Variants in CLCA2 observed in about 807,000 individuals in gnomAD.
CLCA2 encodes chloride channel accessory 2, also known as calcium-activated chloride channel regulator 2.
CLCA2 carries 85 observed loss-of-function variants against 82.9 expected under a neutral mutation model. That is an observed-to-expected ratio of 1.03 (90% CI 0.86 to 1.23). CLCA2 has a LOEUF of 1.23. Ranked by LOEUF, CLCA2 falls within the 50% of genes most tolerant of loss-of-function variation. The probability of loss-of-function intolerance (pLI) is 0.00; values close to 1 mark genes in which losing one functional copy is unlikely to be tolerated. For missense variants in CLCA2, 1,089 were observed against 1,124.8 expected, an observed-to-expected ratio of 0.97 and a Z score of 0.45; for synonymous variants, 421 against 391.7, an observed-to-expected ratio of 1.07 and a Z score of -0.88.
At chr1:86,434,485 C>A (rs1409432401) in intron 5 of CLCA2, 33 bp from the exon 6 acceptor site, 1 of 1,558,070 alleles carries the variant, frequency 6.4e-7, no homozygotes, top group Non-Finnish European at 8.8e-7. Flanking sequence ...GGGAGAAGTG[C>A]CTCTCTTTAT....
At chr1:86,442,818 A>G in intron 9 of CLCA2, among the ~76,000 whole-genome samples, 1 of 152,192 alleles carries the variant, frequency 6.6e-6, no homozygotes, top group East Asian at 1.9e-4. Flanking sequence ...TCACGGTTCC[A>G]TTCCCTTGGT....
At chr1:86,439,507 C>T (rs11800629) in intron 7 of CLCA2, among the ~76,000 whole-genome samples, 15,817 of 152,188 alleles carry the variant, frequency 0.1, 975 homozygotes, top group African/African-American at 0.16. Context: ...ACTTCACGCA[C>T]ATCAGAACCA....
Position 86,434,709 on chromosome 1 carries a change from C to T in CLCA2, c.936C>T (p.Val312=). ...FSLVQAGDKV[V]CLVLDVSSKM... ...TTGTACAGGCTGGTGACAAAGTGGT[C>T]TGTTTAGTGCTGGATGTGTCCAGCA... Residue 312 remains valine, a synonymous_variant, in exon 6 of 14, where the codon GTC becomes GTT. Transcript: ENST00000370565. 6.2e-7 allele frequency: 1 copy of T among 1,613,936 alleles called. No homozygotes were observed. The highest frequency in any genetic ancestry group is 1.7e-5 in the Admixed American group (1 of 60,014).
At chr1:86,454,648 C>T (rs11580095) in intron 13 of CLCA2, among the ~76,000 whole-genome samples, 7 of 151,960 alleles carry the variant, frequency 4.6e-5, no homozygotes, top group Admixed American at 1.3e-4. Context: ...AAAAATAAGC[C>T]GGGCATGGTG....
intron 7 of CLCA2, among the ~76,000 whole-genome samples, chr1:86,439,312 C>A (rs978368984): frequency 1.3e-5 from 2 of 152,178 alleles, no homozygotes; most frequent in Admixed American, 6.5e-5. Flanking sequence ...ACATAGCATA[C>A]AATAGTTGCT....
In CLCA2 at chr1:86,456,446, G is replaced by T. The variant is rs1663078940; in HGVS notation, c.*919G>T. 1 of 151,864 alleles carries T rather than the reference G, an allele frequency of 6.6e-6. No homozygotes were observed. Among genetic ancestry groups the T allele is most frequent in the Non-Finnish European group, 1.5e-5 (1 of 67,962 alleles). The allele number at this position is 151,864 out of a possible 1,614,324, so 9.4% of individuals were successfully genotyped here. ...TTACTTACCAAGGGCAGGGGAAGGG[G>T]GATATAGAGGTCACAAGGAAATAAA... On this transcript the variant is annotated 3_prime_UTR_variant, in exon 14 of 14. Coordinates refer to ENST00000370565, the MANE Select transcript of CLCA2 (RefSeq NM_006536.7).
At chr1:86,454,070 A>G (rs1313885838) in intron 13 of CLCA2, among the ~76,000 whole-genome samples, 1 of 152,152 alleles carries the variant, frequency 6.6e-6, no homozygotes, top group Non-Finnish European at 1.5e-5. Context: ...CAGTCCCCTG[A>G]TTCAGGGCTT....
At chr1:86,424,650 ATT>A (rs749560108) in intron 1 of CLCA2, among the ~76,000 whole-genome samples, 1 of 152,038 alleles carries the variant, frequency 6.6e-6, no homozygotes, top group Non-Finnish European at 1.5e-5. Flanking sequence ...CTAGCCCTCT[ATT>A]TTGTTATTGT....
intron 12 of CLCA2, 73 bp from the exon 13 acceptor site, chr1:86,453,296 A>C (rs1663010189): frequency 8.8e-7 from 1 of 1,137,100 alleles, no homozygotes; most frequent in South Asian, 1.4e-5. Context: ...AGAAAGTCTC[A>C]CTGTGTCAAG....
intron 5 of CLCA2, among the ~76,000 whole-genome samples, 164 bp from the exon 6 acceptor site, chr1:86,434,354 G>T (rs1296098243): frequency 6.6e-6 from 1 of 152,178 alleles, no homozygotes; most frequent in African/African-American, 2.4e-5. Context: ...AGGTTTATTT[G>T]TAATTTGATG....
chr1:86,445,089 G>A, intron 10 of CLCA2, among the ~76,000 whole-genome samples: 1 of 152,030 alleles, frequency 6.6e-6, no homozygotes, highest in Admixed American at 6.5e-5. Flanking sequence ...GTAGAGATGA[G>A]GTTTCACCAT....
intron 6 of CLCA2, among the ~76,000 whole-genome samples, chr1:86,437,510 A>C (rs551645545): frequency 3.9e-5 from 6 of 152,204 alleles, no homozygotes; most frequent in Non-Finnish European, 8.8e-5. Flanking sequence ...AGGTTGGGTG[A>C]TGTAAGGAAA....
chr1:86,435,338 C>T (rs559358153), intron 6 of CLCA2, among the ~76,000 whole-genome samples: 2 of 152,254 alleles, frequency 1.3e-5, no homozygotes, highest in Admixed American at 6.5e-5. Flanking sequence ...CTATAATGAT[C>T]GAAAATTCTT....
At position 86,453,350 on chromosome 1, in the gene CLCA2, T is replaced by C. The variant is rs780334587; in HGVS notation, c.2156-19T>C. On this transcript the variant is annotated intron_variant, in intron 12 of 13. Coordinates refer to ENST00000370565, the MANE Select transcript of CLCA2 (RefSeq NM_006536.7). ...TTTGTAATTTGTCATTTTGCCTTTT[T>C]TTTTCTTTTTTGTCTCAGGTAATAT... is the stretch of plus-strand genomic sequence containing the variant. 10 of 1,595,496 alleles carry C rather than the reference T, an allele frequency of 6.3e-6. No individual in the cohort carries two copies. In the Admixed American group the frequency reaches 1.5e-4, roughly 25 times the overall value.
At chr1:86,442,665 T>G (rs1187473433) in intron 9 of CLCA2, among the ~76,000 whole-genome samples, 1 of 150,812 alleles carries the variant, frequency 6.6e-6, no homozygotes, top group Non-Finnish European at 1.5e-5. Flanking sequence ...TTACACGCTT[T>G]GCAGATTTGA....
At position 86,428,568 on chromosome 1, in the gene CLCA2, G is replaced by T; in HGVS notation, c.475G>T (p.Gly159Cys). 6.2e-7 allele frequency: 1 copy of T among 1,612,406 alleles called. No homozygotes were observed. Among genetic ancestry groups the T allele is most frequent in the East Asian group, 2.2e-5 (1 of 44,844 alleles). The change falls in exon 3 of 14, where the codon GGC becomes TGC. Residue 159 changes from glycine (G) to cysteine (C), a missense_variant and splice_region_variant. Transcript: ENST00000370565. The stretch of plus-strand genomic sequence containing the variant: ...CTTAACAGCTGGCTACGGATCACGA[G>T]GTAAGTGGGACCAATAAAACAATAG... ...DNLTAGYGSR[G>C]RVFVHEWAHL...
chr1:86,446,893 C>G (rs1662865207), intron 10 of CLCA2, among the ~76,000 whole-genome samples: 1 of 152,154 alleles, frequency 6.6e-6, no homozygotes, highest in South Asian at 2.1e-4. Context: ...TAGTGTTTAG[C>G]AGTATTTCTA....
intron 6 of CLCA2, among the ~76,000 whole-genome samples, chr1:86,435,350 T>G (rs1403828224): frequency 6.6e-6 from 1 of 152,254 alleles, no homozygotes; most frequent in Admixed American, 6.5e-5. Flanking sequence ...AAAATTCTTA[T>G]GTATAATGAA....
In CLCA2 at chr1:86,440,243, G is replaced by C; in HGVS notation, c.1299G>C (p.Val433=). The C allele has an allele frequency of 6.2e-7, 1 of 1,613,952 alleles. No individual in the cohort carries two copies. The highest frequency in any genetic ancestry group is 1.1e-5 in the South Asian group (1 of 91,078). Residue 433 remains valine (V), a synonymous_variant, in exon 8 of 14, where the codon GTG becomes GTC. Transcript: ENST00000370565. ...DKLLGNCLPT[V]LSSGSTIHSI... ...TTCTTGGCAATTGCTTACCCACTGT[G>C]CTCAGCAGTGGTTCAACAATTCACT... is the stretch of plus-strand genomic sequence containing the variant.
Sources: gnomAD v4.1 joint callset for allele counts (sites outside exome capture counted in the v4.1 genomes callset) on GRCh38, gnomAD v4.1.1 for gene constraint, MANE v1.5 for transcripts, NCBI Gene and HGNC (gene_info 2026-07-23, HGNC 2026-07-21) for gene names.